HDAC9: variants seen among roughly 807,000 people sequenced by gnomAD.
HDAC9 encodes the protein histone deacetylase 9.
Under a neutral mutation model 139.4 loss-of-function variants are expected in HDAC9, and 41 were observed. That is an observed-to-expected ratio of 0.29 (90% CI 0.23 to 0.38). The LOEUF is 0.38. HDAC9 is among the 10% of genes least tolerant of loss of function. The pLI is 1.00. For synonymous variants in HDAC9, 517 were observed against 476.2 expected (o/e 1.09, Z -1.12); for missense variants, 1,147 against 1,297.0 (o/e 0.88, Z 1.78).
At chr7:18,516,319 C>G (rs1433489585) in intron 2 of HDAC9, among the ~76,000 whole-genome samples, 1 of 152,132 alleles carries the variant, frequency 6.6e-6, no homozygotes, top group Admixed American at 6.5e-5. Context: ...CAGTTATGCT[C>G]ATATCCATAG....
intron 17 of HDAC9, among the ~76,000 whole-genome samples, chr7:18,798,826 G>C (rs2129182527): frequency 6.6e-6 from 1 of 152,142 alleles, no homozygotes; most frequent in East Asian, 1.9e-4. Flanking sequence ...TGTGCATAAG[G>C]ACTATGAAAA....
intron 8 of HDAC9, among the ~76,000 whole-genome samples, chr7:18,644,183 T>G (rs1264933251): frequency 6.6e-6 from 1 of 152,086 alleles, no homozygotes; most frequent in Non-Finnish European, 1.5e-5. Flanking sequence ...GTAAAAAAGA[T>G]GTGATTACTA....
intron 1 of HDAC9, among the ~76,000 whole-genome samples, chr7:18,436,971 G>A (rs1791260993): frequency 6.6e-6 from 1 of 152,196 alleles, no homozygotes; most frequent in African/African-American, 2.4e-5. Context: ...TGAAGGTCAT[G>A]TAAAGCCAGA....
chr7:18,202,495 A>T lies in HDAC9; in HGVS notation c.25+40146A>T, dbSNP rs141873712. Among the ~76,000 whole-genome samples, 845 of 152,238 alleles carry T rather than the reference A, an allele frequency of 5.6e-3. 12 individuals are homozygous for T. Among genetic ancestry groups the T allele is most frequent in the African/African-American group, 0.02 (821 of 41,524 alleles). ...CAATTCTAATACTCTTGATACTCAT[A>T]CTTTCTCCTTTACTGTTTTTATGCT... On this transcript the variant is annotated intron_variant, in intron 2 of 12. Coordinates refer to the HDAC9 transcript ENST00000417496.
intron 2 of HDAC9, among the ~76,000 whole-genome samples, chr7:18,256,201 A>G (rs1396151535): frequency 2.0e-5 from 3 of 152,192 alleles, no homozygotes; most frequent in Non-Finnish European, 4.4e-5. Flanking sequence ...TACAAAAGAT[A>G]GTAATGCTGT....
At chr7:18,702,738 C>A (rs1265384868) in intron 12 of HDAC9, among the ~76,000 whole-genome samples, 1 of 152,176 alleles carries the variant, frequency 6.6e-6, no homozygotes, top group Non-Finnish European at 1.5e-5. Flanking sequence ...CTCGGCGGAA[C>A]AATTAGAATT....
rs1786499406 is a variant in HDAC9 at position 18,996,931 on chromosome 7, CTTTTCAAAGGTGGTCTTAATTTGTTGCAT to C, written c.*870_*898del. ...TTCAGTGTCTTTGAAAAGCACGTAA[CTTTTCAAAGGTGGTCTTAATTTGTTGCAT>C]ATCTATCAAGGACTTATTCACTCAC... is the stretch of plus-strand genomic sequence containing the variant. On this transcript the variant is annotated 3_prime_UTR_variant, in exon 26 of 26. Transcript: ENST00000686413. 6.6e-6 allele frequency: 1 copy of C among 152,156 alleles called. No individual in the cohort carries two copies. The allele number at this position is 152,156 out of a possible 1,614,324, so 9.4% of individuals were successfully genotyped here. A position where few individuals can be genotyped will look rare whatever the true frequency, so the allele number is the denominator to read the frequency against.
chr7:18,559,033 A>G (rs893977462), intron 2 of HDAC9, among the ~76,000 whole-genome samples: 2 of 152,160 alleles, frequency 1.3e-5, no homozygotes, highest in Admixed American at 6.5e-5. Flanking sequence ...TGGACTGATG[A>G]TTAAAGCTGC....
At chr7:18,710,623 TG>T (rs1430304491) in intron 12 of HDAC9, among the ~76,000 whole-genome samples, 5 of 152,142 alleles carry the variant, frequency 3.3e-5, no homozygotes, top group African/African-American at 1.2e-4. Flanking sequence ...TTCAGCACAT[TG>T]GGGATAATGT....
At chr7:18,518,658 T>C (rs1757822113) in intron 2 of HDAC9, among the ~76,000 whole-genome samples, 1 of 152,160 alleles carries the variant, frequency 6.6e-6, no homozygotes, top group Non-Finnish European at 1.5e-5. Flanking sequence ...TGCAAAAGCT[T>C]GTCCCACCTC....
chr7:18,094,860 A>G (rs970421694), intron 1 of HDAC9, among the ~76,000 whole-genome samples: 2 of 152,174 alleles, frequency 1.3e-5, no homozygotes, highest in Non-Finnish European at 2.9e-5. Flanking sequence ...TTAGATAAAC[A>G]GGAATAGCCA....
At chr7:18,914,252 A>G (rs896839196) in intron 22 of HDAC9, among the ~76,000 whole-genome samples, 2 of 151,644 alleles carry the variant, frequency 1.3e-5, no homozygotes, top group South Asian at 2.1e-4. Flanking sequence ...ACCCTCCAGA[A>G]ATATGAGAAA....
At chr7:18,192,071 C>G (rs190335808) in intron 2 of HDAC9, among the ~76,000 whole-genome samples, 80 of 152,250 alleles carry the variant, frequency 5.3e-4, no homozygotes, top group African/African-American at 1.9e-3. Context: ...CATTTTTCAC[C>G]AGGGATTCCT....
intron 1 of HDAC9, among the ~76,000 whole-genome samples, chr7:18,291,609 T>C (rs1489100995): frequency 6.6e-6 from 1 of 152,040 alleles, no homozygotes; most frequent in African/African-American, 2.4e-5. Context: ...TATCTGAGCA[T>C]ATTGGGCTGT....
chr7:18,547,270 C>G (rs1415048505), intron 2 of HDAC9, among the ~76,000 whole-genome samples: 1 of 152,112 alleles, frequency 6.6e-6, no homozygotes, highest in Non-Finnish European at 1.5e-5. Context: ...GAGTCTCGCT[C>G]TGTTGCCCAG....
At chr7:18,980,093 C>T (rs756942493) in intron 25 of HDAC9, among the ~76,000 whole-genome samples, 1 of 151,954 alleles carries the variant, frequency 6.6e-6, no homozygotes, top group Non-Finnish European at 1.5e-5. Context: ...AAATCTGCCC[C>T]CTCTTCATTT....
At chr7:18,485,534 A>C (rs1176676793) in intron 1 of HDAC9, among the ~76,000 whole-genome samples, 1 of 151,254 alleles carries the variant, frequency 6.6e-6, no homozygotes, top group South Asian at 2.1e-4. Flanking sequence ...TTTATAGCTG[A>C]TGTTAGTTCG....
intron 1 of HDAC9, among the ~76,000 whole-genome samples, chr7:18,378,044 G>A (rs935843977): frequency 3.3e-5 from 5 of 152,124 alleles, no homozygotes; most frequent in African/African-American, 9.7e-5. Context: ...AATAGATGGT[G>A]TTTTAAATAA....
At chr7:18,286,221 C>T (rs188134971), upstream of HDAC9, among the ~76,000 whole-genome samples, 29 of 151,752 alleles carry the variant, frequency 1.9e-4, no homozygotes, top group Non-Finnish European at 3.5e-4. Flanking sequence ...AAATAAGCAC[C>T]GTGCATGACC....
Sources: gnomAD v4.1 joint callset for allele counts (sites outside exome capture counted in the v4.1 genomes callset) on GRCh38, gnomAD v4.1.1 for gene constraint, MANE v1.5 for transcripts, NCBI Gene and HGNC (gene_info 2026-07-23, HGNC 2026-07-21) for gene names.